DCLRE1B: variants seen among roughly 807,000 people sequenced by gnomAD.
DCLRE1B encodes the protein 5' exonuclease Apollo.
In DCLRE1B, 6 loss-of-function variants were observed where a neutral mutation model predicts 19.8. The observed-to-expected ratio is 0.30, with a 90% confidence interval of 0.17 to 0.60. The LOEUF (loss-of-function observed/expected upper bound fraction) is 0.60, where lower values mean the gene tolerates loss of function less well. DCLRE1B is among the 20% of genes least tolerant of loss of function. The pLI, the probability that DCLRE1B is intolerant of heterozygous loss-of-function variation, is 0.87. For missense variants in DCLRE1B, 622 were observed against 654.2 expected, an observed-to-expected ratio of 0.95 and a Z score of 0.54; for synonymous variants, 258 against 255.7, an observed-to-expected ratio of 1.01 and a Z score of -0.09.
chr1:113,911,776 G>A lies in DCLRE1B; in HGVS notation c.1184G>A (p.Arg395Gln), dbSNP rs146482651. The change falls in exon 4 of 4, where the codon CGG (arginine) becomes CAG (glutamine). Residue 395 changes from arginine (R) to glutamine (Q), a missense_variant. This residue lies in a region of DCLRE1B where 382 missense variants were observed against 412.5 expected (regional missense o/e 0.93). Transcript: ENST00000650450. Reference protein sequence around the residue: ...LEKQPSHHPLRIKKQLFPDLY... With the variant: ...LEKQPSHHPLQIKKQLFPDLY... ...AAGCAGCCTTCCCACCATCCTTTGC[G>A]GATCAAGAAGCAGTTGTTCCCAGAT... The A allele has an allele frequency of 4.4e-4, 718 of 1,614,154 alleles. 2 individuals are homozygous for A. The highest frequency in any genetic ancestry group is 1.2e-3 in the Middle Eastern group (7 of 6,062).
Position 113,907,099 on chromosome 1 carries a change from A to G in DCLRE1B, c.293A>G (p.Asn98Ser), listed in dbSNP as rs2101068099. Residue 98 changes from asparagine (N) to serine (S), a missense_variant, in exon 2 of 4, where the codon AAT becomes AGT. Transcript: ENST00000650450. ...ETMTVTLLDA[N>S]HCPGSVMFLF... is the part of the protein sequence containing the mutation. The stretch of plus-strand genomic sequence containing the variant: ...ATGACCGTAACCCTCCTCGATGCCA[A>G]TCACTGTCCTGGTTCTGTCATGTTT... 4 of 1,612,738 alleles carry G rather than the reference A, an allele frequency of 2.5e-6. No individual in the cohort carries two copies. Among genetic ancestry groups the G allele is most frequent in the Non-Finnish European group, 3.4e-6 (4 of 1,179,866 alleles).
intron 1 of DCLRE1B, among the ~76,000 whole-genome samples, chr1:113,906,420 C>T (rs1004456167): frequency 6.6e-6 from 1 of 151,768 alleles, no homozygotes; most frequent in African/African-American, 2.4e-5. Context: ...TCTCTCCCCA[C>T]CCCACCCTTA....
chr1:113,911,798 A>G lies in DCLRE1B; in HGVS notation c.1206A>G (p.Pro402=), dbSNP rs768316935. 5 of 1,614,244 alleles carry G rather than the reference A, an allele frequency of 3.1e-6. No individual in the cohort carries two copies. Among genetic ancestry groups the G allele is most frequent in the South Asian group, 1.1e-5 (1 of 91,092 alleles). ...HPLRIKKQLF[P]DLYSKEWNKA... is the part of the protein sequence containing the mutation. The stretch of plus-strand genomic sequence containing the variant: ...TGCGGATCAAGAAGCAGTTGTTCCC[A>G]GATCTCTATAGCAAAGAATGGAACA... The change falls in exon 4 of 4, where the codon CCA becomes CCG. Residue 402 remains proline, a synonymous_variant. Coordinates refer to ENST00000650450, the MANE Select transcript of DCLRE1B (RefSeq NM_022836.4).
Position 113,911,472 on chromosome 1 carries a change from G to C in DCLRE1B, c.880G>C (p.Val294Leu). The C allele has an allele frequency of 6.2e-7, 1 of 1,614,160 alleles. No individual in the cohort carries two copies. The highest frequency in any genetic ancestry group is 8.5e-7 in the Non-Finnish European group (1 of 1,180,036). ...TGTCGCAGCACTGAAGCCTTGCCAG[G>C]TGGTGCCCATTGTAAGTCGGCGGCC... ...AFVAALKPCQ[V>L]VPIVSRRPCG... is the part of the protein sequence containing the mutation. Residue 294 changes from valine (V) to leucine (L), a missense_variant, in exon 4 of 4, where the codon GTG becomes CTG. Coordinates refer to ENST00000650450, the MANE Select transcript of DCLRE1B (RefSeq NM_022836.4).
intron 1 of DCLRE1B, 99 bp downstream of exon 1, chr1:113,905,874 T>A: frequency 2.2e-6 from 3 of 1,383,624 alleles, no homozygotes; most frequent in Non-Finnish European, 2.9e-6. Context: ...CCACGAAAAC[T>A]GATTTGGAAG....
intron 2 of DCLRE1B, 43 bp downstream of exon 2, chr1:113,907,204 GTTTTTTT>G (rs71090746): frequency 0.11 from 54,845 of 486,374 alleles, 838 homozygotes; most frequent in East Asian, 0.19. Flanking sequence ...CAGACTAGAT[GTTTTTTT>G]TTTTTTTTTT....
In DCLRE1B at chr1:113,907,991, A is replaced by G. The variant is rs201463709; in HGVS notation, c.356-18A>G. 30 of 1,609,056 alleles carry G rather than the reference A, an allele frequency of 1.9e-5. No homozygotes were observed. Among genetic ancestry groups the G allele is most frequent in the Admixed American group, 5.0e-5 (3 of 59,578 alleles). On this transcript the variant is annotated intron_variant, in intron 2 of 3. Transcript: ENST00000650450. ...CTTTTGTCTCTGACCTTCTGCCCCC[A>G]TGTACATATTCCTCCAGGTGATTTT...
At chr1:113,907,660 G>C (rs573610413) in intron 2 of DCLRE1B, among the ~76,000 whole-genome samples, 1 of 152,148 alleles carries the variant, frequency 6.6e-6, no homozygotes, top group East Asian at 1.9e-4. Context: ...TATTAGTAGA[G>C]ACGGGGTTTC....
At position 113,911,402 on chromosome 1, in the gene DCLRE1B, C is replaced by A; in HGVS notation, c.810C>A (p.Val270=). 6.2e-7 allele frequency: 1 copy of A among 1,614,242 alleles called. No individual in the cohort carries two copies. Among genetic ancestry groups the A allele is most frequent in the East Asian group, 2.2e-5 (1 of 44,886 alleles). ...KIHSSHPDIH[V]IPYSDHSSYS... is the part of the protein sequence containing the mutation. ...ACAGCTCCCACCCTGATATCCACGT[C>A]ATCCCTTACTCTGACCATTCCTCTT... The change falls in exon 4 of 4, where the codon GTC becomes GTA. Residue 270 remains valine, a synonymous_variant. Coordinates refer to ENST00000650450, the MANE Select transcript of DCLRE1B (RefSeq NM_022836.4).
chr1:113,910,522 G>T (rs939551579), intron 3 of DCLRE1B, among the ~76,000 whole-genome samples: 2 of 151,620 alleles, frequency 1.3e-5, no homozygotes, highest in Non-Finnish European at 2.9e-5. Context: ...TTTTTTAAGA[G>T]ACAGGGTCTC....
chr1:113,904,984 G>C, upstream of DCLRE1B: 1 of 467,324 alleles, frequency 2.1e-6, no homozygotes, highest in South Asian at 2.0e-5. Flanking sequence ...GATCGCTCCC[G>C]CTACTTCTAG....
At chr1:113,908,803 G>A (rs10563713) in intron 3 of DCLRE1B, among the ~76,000 whole-genome samples, 18,186 of 150,794 alleles carry the variant, frequency 0.12, 1,542 homozygotes, top group East Asian at 0.4. Flanking sequence ...ACATACGCGT[G>A]CACACACACA....
Position 113,905,542 on chromosome 1 carries a change from T to G in DCLRE1B, c.-45T>G, listed in dbSNP as rs748640400. The G allele has an allele frequency of 1.3e-6, 2 of 1,596,058 alleles. No homozygotes were observed. The highest frequency in any genetic ancestry group is 2.7e-5 in the African/African-American group (2 of 74,188). ...TTGTGGAAGCCTCACGCAGGAGCCC[T>G]GCCCCCGTGGAGAAGATCCCACTGG... On this transcript the variant is annotated 5_prime_UTR_variant, in exon 1 of 4. Transcript: ENST00000650450.
chr1:113,907,864 C>A, intron 2 of DCLRE1B, 145 bp from the exon 3 acceptor site: 1 of 803,844 alleles, frequency 1.2e-6, no homozygotes, highest in Non-Finnish European at 1.9e-6. Context: ...AACCATGCAG[C>A]TATACTGCCT....
intron 3 of DCLRE1B, among the ~76,000 whole-genome samples, chr1:113,908,658 C>A (rs1669132999): frequency 6.6e-6 from 1 of 152,176 alleles, no homozygotes; most frequent in African/African-American, 2.4e-5. Flanking sequence ...ACCTGCCCAC[C>A]ATCCCCATTC....
rs754841219 is a variant in DCLRE1B, at chr1:113,911,542, C to T, written c.950C>T (p.Pro317Leu). ...AGTCTGAGCCCCAGGATCTCCGTGCCCCTGATTCCGGACTCTGTACAGCAA... is the reference window on the plus strand; with the variant it reads ...AGTCTGAGCCCCAGGATCTCCGTGCTCCTGATTCCGGACTCTGTACAGCAA... ...QDSLSPRISV[P>L]LIPDSVQQYM... is the part of the protein sequence containing the mutation. The change falls in exon 4 of 4, where the codon CCC becomes CTC. Residue 317 changes from proline (P) to leucine (L), a missense_variant. Around this residue, in one of 3 missense-constraint regions of DCLRE1B, gnomAD observed 382 missense variants for 412.5 expected, o/e 0.93. Coordinates refer to ENST00000650450, the MANE Select transcript of DCLRE1B (RefSeq NM_022836.4). 4 of 1,612,858 alleles carry T rather than the reference C, an allele frequency of 2.5e-6. No individual in the cohort carries two copies. The highest frequency in any genetic ancestry group is 3.4e-6 in the Non-Finnish European group (4 of 1,179,332).
chr1:113,904,903 C>T (rs1022398381), upstream of DCLRE1B: 1 of 611,968 alleles, frequency 1.6e-6, no homozygotes. Flanking sequence ...ACGCCCTCCG[C>T]GACACCGCGA....
At position 113,905,737 on chromosome 1, in the gene DCLRE1B, T is replaced by C. The variant is rs1421117892; in HGVS notation, c.151T>C (p.Ser51Pro). 5 of 1,613,804 alleles carry C rather than the reference T, an allele frequency of 3.1e-6. No homozygotes were observed. The highest frequency in any genetic ancestry group is 4.2e-6 in the Non-Finnish European group (5 of 1,179,946). ...SSTWARPLYCSPITAHLLHRH... is the reference protein window; with the variant it reads ...SSTWARPLYCPPITAHLLHRH... ...CACCTGGGCCCGGCCCCTCTACTGC[T>C]CCCCAATTACAGCCCACCTCTTGCA... The change falls in exon 1 of 4, where the codon TCC becomes CCC. Residue 51 changes from serine (S) to proline (P), a missense_variant. By Grantham distance (74) the Ser-to-Pro change is moderately conservative. Coordinates refer to ENST00000650450, the MANE Select transcript of DCLRE1B (RefSeq NM_022836.4).
In DCLRE1B at chr1:113,905,803, G is replaced by A. The variant is rs140260111; in HGVS notation, c.189+28G>A. On this transcript the variant is annotated intron_variant, in intron 1 of 3. Coordinates refer to ENST00000650450, the MANE Select transcript of DCLRE1B (RefSeq NM_022836.4). ...ATGGGGCTGGAGTCGGTCTCCGAGA[G>A]CTGGTCCAGGCATCTGGGTTGGGAC... 1.0e-3 allele frequency: 1,607 copies of A among 1,590,264 alleles called. 11 individuals are homozygous for A. In the African/African-American group the frequency reaches 0.019, roughly 19 times the overall value.
Sources: gnomAD v4.1 joint callset for allele counts (sites outside exome capture counted in the v4.1 genomes callset) on GRCh38, gnomAD v4.1.1 for gene constraint, gnomAD v4.1.1 regional missense constraint, MANE v1.5 for transcripts, NCBI Gene and HGNC (gene_info 2026-07-23, HGNC 2026-07-21) for gene names.